PLEKHM3: variants seen among roughly 807,000 people sequenced by gnomAD.
PLEKHM3 encodes pleckstrin homology domain containing M3, also known as pleckstrin homology domain-containing family M member 3.
In PLEKHM3, 45 loss-of-function variants were observed where a neutral mutation model predicts 81.8. That is an observed-to-expected ratio of 0.55 (90% CI 0.43 to 0.71). PLEKHM3 has a LOEUF of 0.71. PLEKHM3 is among the 30% of genes least tolerant of loss of function. PLEKHM3 has a pLI of 0.00. For synonymous variants in PLEKHM3, 352 were observed against 356.4 expected, an observed-to-expected ratio of 0.99 and a Z score of 0.14; for missense variants, 788 against 924.3, an observed-to-expected ratio of 0.85 and a Z score of 1.91.
intron 6 of PLEKHM3, among the ~76,000 whole-genome samples, chr2:207,863,513 A>C (rs2092479168): frequency 6.6e-6 from 1 of 152,230 alleles, no homozygotes; most frequent in Non-Finnish European, 1.5e-5. Flanking sequence ...GGCTCACAGA[A>C]ATAAAATCAA....
At chr2:207,960,177 C>A (rs1690680148) in intron 3 of PLEKHM3, among the ~76,000 whole-genome samples, 1 of 152,240 alleles carries the variant, frequency 6.6e-6, no homozygotes, top group Non-Finnish European at 1.5e-5. Context: ...ATCCAGCCCT[C>A]CTCACAGATG....
chr2:207,857,891 T>TA (rs1223361066), intron 7 of PLEKHM3, among the ~76,000 whole-genome samples: 2 of 151,590 alleles, frequency 1.3e-5, no homozygotes, highest in African/African-American at 2.4e-5. Context: ...CTCTTTTTTT[T>TA]ATCTAGTTTC....
At chr2:207,896,618 G>A (rs1363238384) in intron 6 of PLEKHM3, among the ~76,000 whole-genome samples, 2 of 152,106 alleles carry the variant, frequency 1.3e-5, no homozygotes, top group Non-Finnish European at 1.5e-5. Context: ...AAGAGTAAAG[G>A]CCCTTCGGTC....
Position 207,959,243 on chromosome 2 carries a change from G to A in PLEKHM3, c.1547-12731C>T, listed in dbSNP as rs145890717. 1.6e-3 allele frequency among the ~76,000 whole-genome samples: 238 copies of A among 152,188 alleles called. 1 individual carries two copies. The highest frequency in any genetic ancestry group is 5.3e-3 in the African/African-American group (220 of 41,520). On this transcript the variant is annotated intron_variant, in intron 3 of 7. Coordinates refer to ENST00000427836, the MANE Select transcript of PLEKHM3 (RefSeq NM_001080475.3). ...ACTTTTGCCTCACAGAGAATCCAAT[G>A]TATGCTGCACTTAACATTTTCTACA...
intron 5 of PLEKHM3, chr2:207,929,807 C>A: frequency 1.7e-6 from 1 of 600,898 alleles, no homozygotes. Flanking sequence ...TTTAGATGCC[C>A]GGGGTTATGT....
At position 207,822,810 on chromosome 2, in the gene PLEKHM3, GAA is replaced by G. The variant is rs2092226021; in HGVS notation, c.*5507_*5508del. 1 of 152,250 alleles carries G rather than the reference GAA, an allele frequency of 6.6e-6. No individual in the cohort carries two copies. Among genetic ancestry groups the G allele is most frequent in the African/African-American group, 2.4e-5 (1 of 41,458 alleles). 9.4% of individuals were successfully genotyped at this position (152,250 alleles called of 1,614,324 possible). ...GCTTCAAGTGGTTCAGACTAGACTAGAAGCACGAGACAGTACTATAAGGCACT... is the reference window on the plus strand; with the variant it reads ...GCTTCAAGTGGTTCAGACTAGACTAGGCACGAGACAGTACTATAAGGCACT... On this transcript the variant is annotated 3_prime_UTR_variant, in exon 8 of 8. Transcript: ENST00000427836.
At chr2:207,829,561 G>A (rs377207721) in intron 7 of PLEKHM3, among the ~76,000 whole-genome samples, 2 of 152,196 alleles carry the variant, frequency 1.3e-5, no homozygotes, top group Admixed American at 1.3e-4. Context: ...ACAGGTGTGA[G>A]CCACTGCATT....
At chr2:207,893,218 C>G (rs1688114544) in intron 6 of PLEKHM3, among the ~76,000 whole-genome samples, 1 of 152,216 alleles carries the variant, frequency 6.6e-6, no homozygotes, top group Admixed American at 6.5e-5. Flanking sequence ...CCCTTTCTGC[C>G]ACCCCAAAGC....
At chr2:207,871,271 G>A (rs556974267) in intron 6 of PLEKHM3, among the ~76,000 whole-genome samples, 8 of 152,200 alleles carry the variant, frequency 5.3e-5, no homozygotes, top group African/African-American at 1.9e-4. Context: ...CTAATTAGCT[G>A]CTCCTCACCC....
chr2:207,993,214 T>C (rs1691955783), intron 2 of PLEKHM3, among the ~76,000 whole-genome samples: 2 of 152,192 alleles, frequency 1.3e-5, no homozygotes, highest in Admixed American at 6.6e-5. Context: ...GGGCTGTCAA[T>C]GAGGCATATT....
intron 5 of PLEKHM3, among the ~76,000 whole-genome samples, chr2:207,911,962 A>C (rs986922778): frequency 6.6e-6 from 1 of 152,214 alleles, no homozygotes; most frequent in Non-Finnish European, 1.5e-5. Flanking sequence ...ACAGGATATC[A>C]GACTTATTTA....
intron 2 of PLEKHM3, among the ~76,000 whole-genome samples, chr2:207,996,650 C>G (rs2106080802): frequency 6.6e-6 from 1 of 152,220 alleles, no homozygotes; most frequent in Non-Finnish European, 1.5e-5. Context: ...AATTAAATAG[C>G]TGATCACAAA....
chr2:207,927,475 C>T (rs1278156603), intron 5 of PLEKHM3, among the ~76,000 whole-genome samples: 1 of 143,792 alleles, frequency 7.0e-6, no homozygotes, highest in Non-Finnish European at 1.5e-5. Flanking sequence ...GAGATCATGC[C>T]ACTGCACTCC....
intron 6 of PLEKHM3, among the ~76,000 whole-genome samples, chr2:207,884,165 A>C (rs1687810932): frequency 6.7e-6 from 1 of 148,292 alleles, no homozygotes; most frequent in Non-Finnish European, 1.5e-5. Flanking sequence ...ACCACTCAAC[A>C]AACTAGGAAT....
chr2:207,822,091 C>CT lies in PLEKHM3; in HGVS notation c.*6227_*6228insA, dbSNP rs1319844074. The stretch of plus-strand genomic sequence containing the variant: ...CCTCCCAAATAGCTGGGACTGTAGG[C>CT]ACATGCCACCATGCCCAGCGTAACA... On this transcript the variant is annotated 3_prime_UTR_variant, in exon 8 of 8. Transcript: ENST00000427836. The CT allele has an allele frequency of 4.1e-4, 63 of 152,402 alleles. No individual in the cohort carries two copies. The highest frequency in any genetic ancestry group is 1.4e-3 in the African/African-American group (57 of 41,564). 9.4% of individuals were successfully genotyped at this position (152,402 alleles called of 1,614,324 possible). A position where few individuals can be genotyped will look rare whatever the true frequency, so the allele number is the denominator to read the frequency against.
intron 1 of PLEKHM3, among the ~76,000 whole-genome samples, chr2:208,023,373 A>C (rs1398186923): frequency 6.6e-6 from 1 of 151,862 alleles, no homozygotes; most frequent in African/African-American, 2.4e-5. Flanking sequence ...TTGTGCAGCC[A>C]ATCTCCAGAA....
At chr2:207,952,164 G>A (rs1320259934) in intron 3 of PLEKHM3, among the ~76,000 whole-genome samples, 1 of 152,238 alleles carries the variant, frequency 6.6e-6, no homozygotes, top group Non-Finnish European at 1.5e-5. Context: ...AAGAGATAAA[G>A]AGGGTGAGAA....
At chr2:207,931,808 A>G (rs961543665) in intron 4 of PLEKHM3, among the ~76,000 whole-genome samples, 5 of 152,204 alleles carry the variant, frequency 3.3e-5, no homozygotes, top group African/African-American at 1.2e-4. Flanking sequence ...CCCCGTCTCT[A>G]CTAAAAATAC....
chr2:207,997,335 C>A (rs535960410), intron 2 of PLEKHM3, among the ~76,000 whole-genome samples: 1 of 152,036 alleles, frequency 6.6e-6, no homozygotes, highest in African/African-American at 2.4e-5. Flanking sequence ...GACGCAGAGG[C>A]CCTACCTGAT....
Sources: gnomAD v4.1 joint callset for allele counts (sites outside exome capture counted in the v4.1 genomes callset) on GRCh38, gnomAD v4.1.1 for gene constraint, MANE v1.5 for transcripts, NCBI Gene and HGNC (gene_info 2026-07-23, HGNC 2026-07-21) for gene names.